SLA: variants seen among roughly 807,000 people sequenced by gnomAD.
The protein encoded by SLA is Src like adaptor.
In SLA, 16 loss-of-function variants were observed where a neutral mutation model predicts 30.3. The ratio of observed to expected loss-of-function variants is 0.53; its 90% CI spans 0.36 to 0.80. The LOEUF (loss-of-function observed/expected upper bound fraction) is 0.80. SLA is among the 30% of genes least tolerant of loss of function. SLA has a pLI of 0.01. For synonymous variants in SLA, 143 were observed against 137.8 expected, an observed-to-expected ratio of 1.04 and a Z score of -0.26; for missense variants, 310 against 345.2, an observed-to-expected ratio of 0.90 and a Z score of 0.81.
intron 7 of SLA, among the ~76,000 whole-genome samples, 179 bp downstream of exon 7, chr8:133,044,805 C>T (rs1226306844): frequency 1.3e-5 from 2 of 152,158 alleles, no homozygotes; most frequent in African/African-American, 4.8e-5. Flanking sequence ...ATTAAGGCAA[C>T]ATGCACAGGC....
chr8:133,069,655 C>T (rs561504494), intron 2 of SLA, among the ~76,000 whole-genome samples: 35 of 152,154 alleles, frequency 2.3e-4, no homozygotes, highest in African/African-American at 6.5e-4. Flanking sequence ...TTTCTACTCT[C>T]GGCTGGGGCT....
chr8:133,044,853 G>A lies in SLA; in HGVS notation c.484+131C>T, dbSNP rs113688571. 1,229 of 854,842 alleles carry A rather than the reference G, an allele frequency of 1.4e-3. 8 individuals carry two copies. Among genetic ancestry groups the A allele is most frequent in the Middle Eastern group, 5.1e-3 (16 of 3,164 alleles). 53.0% of individuals were successfully genotyped at this position (854,842 alleles called of 1,614,324 possible). On this transcript the variant is annotated intron_variant, in intron 7 of 8. Coordinates refer to ENST00000338087, the MANE Select transcript of SLA (RefSeq NM_001045556.3). ...CCTGAAATTTACAGTCTGAATTAAC[G>A]AGAGAGCATATCATGAAGGCAGCAT...
chr8:133,059,199 G>A (rs1031600732), intron 3 of SLA: 1 of 451,256 alleles, frequency 2.2e-6, no homozygotes, highest in South Asian at 1.6e-5. Context: ...ACCCCTGCGA[G>A]GAAATGGGAC....
chr8:133,057,231 A>G (rs1444209151), intron 3 of SLA, among the ~76,000 whole-genome samples: 4 of 152,192 alleles, frequency 2.6e-5, no homozygotes, highest in Non-Finnish European at 5.9e-5. Context: ...GAGGGGAAAA[A>G]GATCACAGCA....
At chr8:133,088,936 G>A (rs1173520894) in intron 1 of SLA, among the ~76,000 whole-genome samples, 2 of 152,152 alleles carry the variant, frequency 1.3e-5, no homozygotes, top group Non-Finnish European at 2.9e-5. Context: ...ATATAAACTT[G>A]GATGTTTAAA....
intron 1 of SLA, among the ~76,000 whole-genome samples, chr8:133,075,749 A>G (rs1188246511): frequency 6.6e-6 from 1 of 152,190 alleles, no homozygotes; most frequent in East Asian, 1.9e-4. Context: ...AACCACAATC[A>G]TTGTGGCACC....
chr8:133,080,049 G>A (rs994613440), intron 1 of SLA, among the ~76,000 whole-genome samples: 10 of 152,100 alleles, frequency 6.6e-5, no homozygotes, highest in African/African-American at 2.4e-4. Flanking sequence ...AAATAAATGA[G>A]TAAAGTCATA....
intron 2 of SLA, among the ~76,000 whole-genome samples, chr8:133,072,252 T>G (rs1314706458): frequency 6.6e-6 from 1 of 152,198 alleles, no homozygotes; most frequent in Non-Finnish European, 1.5e-5. Flanking sequence ...ACCCCTAAAA[T>G]TGCTGTCTTA....
intron 6 of SLA, among the ~76,000 whole-genome samples, chr8:133,045,776 G>A (rs921887156): frequency 6.6e-6 from 1 of 152,144 alleles, no homozygotes; most frequent in African/African-American, 2.4e-5. Context: ...TAGTTTGGTT[G>A]CAACCTGTAG....
intron 2 of SLA, among the ~76,000 whole-genome samples, chr8:133,060,828 C>A (rs1204258877): frequency 6.6e-6 from 1 of 152,270 alleles, no homozygotes; most frequent in African/African-American, 2.4e-5. Context: ...GTGAGGGAAA[C>A]TGAGTCTCAG....
intron 3 of SLA, among the ~76,000 whole-genome samples, 172 bp from the exon 4 acceptor site, chr8:133,051,087 G>T (rs1481669104): frequency 6.6e-6 from 1 of 152,214 alleles, no homozygotes; most frequent in Non-Finnish European, 1.5e-5. Context: ...TGGCTCTGCA[G>T]GGTGTGCGTA....
chr8:133,096,090 CAGTAG>C, intron 1 of SLA: 1 of 1,324,950 alleles, frequency 7.5e-7, no homozygotes, highest in Non-Finnish European at 1.1e-6. Context: ...CACTTTTTCT[CAGTAG>C]AGTCATAGAT....
chr8:133,069,180 CT>C (rs1480272671), intron 2 of SLA, among the ~76,000 whole-genome samples: 1 of 152,254 alleles, frequency 6.6e-6, no homozygotes, highest in Non-Finnish European at 1.5e-5. Flanking sequence ...ACCCAGGCTT[CT>C]AGGCACAGGG....
At chr8:133,080,320 T>C (rs550053372) in intron 1 of SLA, among the ~76,000 whole-genome samples, 1 of 152,314 alleles carries the variant, frequency 6.6e-6, no homozygotes, top group African/African-American at 2.4e-5. Flanking sequence ...TCTATGTATC[T>C]AGACTTCACC....
rs186064871 is a variant in SLA at position 133,040,361 on chromosome 8, G to C, written c.485-231C>G. ...CTCTGCACTTAGCCAGGCATGGGCA[G>C]AGAGAGAGGTTTAAGATCCAGTATC... On this transcript the variant is annotated intron_variant, in intron 7 of 8. Transcript: ENST00000338087. 345 of 518,258 alleles carry C rather than the reference G, an allele frequency of 6.7e-4. 2 individuals are homozygous for C. The highest frequency in any genetic ancestry group is 5.7e-3 in the African/African-American group (298 of 52,632). 32.1% of individuals were successfully genotyped at this position (518,258 alleles called of 1,614,324 possible). A position where few individuals can be genotyped will look rare whatever the true frequency, so the allele number is the denominator to read the frequency against.
At chr8:133,055,618 C>G (rs1841301559) in intron 3 of SLA, among the ~76,000 whole-genome samples, 1 of 152,204 alleles carries the variant, frequency 6.6e-6, no homozygotes, top group African/African-American at 2.4e-5. Flanking sequence ...TGGAACTAAA[C>G]AGACCTTGAG....
intron 5 of SLA, 56 bp downstream of exon 5, chr8:133,049,846 T>C: frequency 8.9e-7 from 1 of 1,125,854 alleles, no homozygotes; most frequent in Non-Finnish European, 1.4e-6. Flanking sequence ...TTCCACCTTA[T>C]GAGTCACCAG....
At chr8:133,044,551 C>T (rs1053724481) in intron 7 of SLA, among the ~76,000 whole-genome samples, 1 of 152,138 alleles carries the variant, frequency 6.6e-6, no homozygotes, top group African/African-American at 2.4e-5. Flanking sequence ...AGACAGGTAG[C>T]CACTGCTAAC....
At chr8:133,065,094 G>T (rs1842864952) in intron 2 of SLA, among the ~76,000 whole-genome samples, 1 of 152,264 alleles carries the variant, frequency 6.6e-6, no homozygotes, top group South Asian at 2.1e-4. Context: ...TTCTTCTAAG[G>T]CATGGAAGTG....
Sources: allele counts gnomAD v4.1 joint callset (sites outside exome capture counted in the v4.1 genomes callset), GRCh38; gene constraint gnomAD v4.1.1; transcripts MANE v1.5; gene names NCBI Gene and HGNC (gene_info 2026-07-23, HGNC 2026-07-21).